The following TMEM184B variants were observed in gnomAD, a reference collection of about 807,000 sequenced individuals.
The protein encoded by TMEM184B is putative MAPK-activating protein FM08.
In TMEM184B, 17 loss-of-function variants were observed where a neutral mutation model predicts 41.8. That is an observed-to-expected ratio of 0.41 (90% CI 0.28 to 0.61). The LOEUF (loss-of-function observed/expected upper bound fraction) is 0.61, where lower values mean the gene tolerates loss of function less well. TMEM184B is among the 20% of genes least tolerant of loss of function. The probability of loss-of-function intolerance (pLI) is 0.34; values close to 1 mark genes in which losing one functional copy is unlikely to be tolerated. For synonymous variants in TMEM184B, 240 were observed against 229.5 expected (o/e 1.05, Z -0.41); for missense variants, 393 against 557.8 (o/e 0.70, Z 2.98).
Position 38,225,794 on chromosome 22 carries a change from G to A in TMEM184B, c.618-201C>T, listed in dbSNP as rs1366027700. On this transcript the variant is annotated intron_variant, in intron 6 of 8. Coordinates refer to ENST00000361906, the MANE Select transcript of TMEM184B (RefSeq NM_012264.5). The surrounding 1 kb of genome is among the most constrained non-coding windows in gnomAD (Gnocchi z 4.4). ...TGGGGTGCGCCTGCAGGCCAGACCA[G>A]CTCTACTGCCTCTGCGTGGCTCGTG... 6.6e-6 allele frequency among the ~76,000 whole-genome samples: 1 copy of A among 152,222 alleles called. No homozygotes were observed. The highest frequency in any genetic ancestry group is 2.4e-5 in the African/African-American group (1 of 41,450).
At chr22:38,260,509 G>A (rs1004059234) in intron 1 of TMEM184B, among the ~76,000 whole-genome samples, 6 of 152,088 alleles carry the variant, frequency 3.9e-5, no homozygotes, top group East Asian at 1.9e-4. Context: ...TGTGAAATCC[G>A]CAGAACTCTG....
intron 4 of TMEM184B, among the ~76,000 whole-genome samples, 184 bp from the exon 5 acceptor site, chr22:38,230,928 G>A (rs11913757): frequency 0.012 from 1,759 of 152,278 alleles, 35 homozygotes; most frequent in African/African-American, 0.041. Flanking sequence ...TGCCATAGGC[G>A]GAGGGACACA....
downstream of TMEM184B, among the ~76,000 whole-genome samples, chr22:38,217,734 CAA>C (rs1310450356): frequency 7.1e-6 from 1 of 141,344 alleles, no homozygotes; most frequent in African/African-American, 2.6e-5. Context: ...GAGGTTGAGA[CAA>C]GAGAGAATCG....
chr22:38,221,248 G>A lies in TMEM184B; in HGVS notation c.*221C>T, dbSNP rs2091251372. 2.8e-6 allele frequency: 4 copies of A among 1,408,192 alleles called. No homozygotes were observed. The highest frequency in any genetic ancestry group is 3.1e-5 in the Admixed American group (1 of 32,602). 87.2% of individuals were successfully genotyped at this position (1,408,192 alleles called of 1,614,324 possible). ...TCCCAGTGTCCTCTGCCCTCGCCCG[G>A]GCAGTGCAGGCTGGGCCATGTATAA... is the stretch of plus-strand genomic sequence containing the variant. On this transcript the variant is annotated 3_prime_UTR_variant, in exon 9 of 9. Coordinates refer to ENST00000361906, the MANE Select transcript of TMEM184B (RefSeq NM_012264.5).
intron 1 of TMEM184B, among the ~76,000 whole-genome samples, chr22:38,257,928 C>G (rs2092309411): frequency 6.6e-6 from 1 of 152,192 alleles, no homozygotes; most frequent in South Asian, 2.1e-4. Flanking sequence ...TGCAATCTCT[C>G]TGCCTCTCTG....
At position 38,272,967 on chromosome 22, in the gene TMEM184B, C is replaced by T. The variant is rs961202106; in HGVS notation, c.-142G>A. On this transcript the variant is annotated 5_prime_UTR_variant, in exon 1 of 9. Transcript: ENST00000361906. ...GGGCGGGGCGGGCGGCGCCGCAGCC[C>T]CGGAGTCTCCGCCGCCGCCGGCGCG... The T allele has an allele frequency of 3.5e-6, 1 of 282,326 alleles. No homozygotes were observed. Among genetic ancestry groups the T allele is most frequent in the African/African-American group, 2.3e-5 (1 of 43,798 alleles). 17.5% of individuals were successfully genotyped at this position (282,326 alleles called of 1,614,324 possible). A position where few individuals can be genotyped will look rare whatever the true frequency, so the allele number is the denominator to read the frequency against.
At chr22:38,271,797 C>A (rs1251119525) in intron 1 of TMEM184B, among the ~76,000 whole-genome samples, 1 of 152,218 alleles carries the variant, frequency 6.6e-6, no homozygotes, top group Non-Finnish European at 1.5e-5. Flanking sequence ...CTGATACGCA[C>A]AGCACCCTAG....
chr22:38,252,016 C>T (rs529802184), intron 1 of TMEM184B, among the ~76,000 whole-genome samples: 2 of 151,832 alleles, frequency 1.3e-5, no homozygotes. Context: ...CCACCTCAGT[C>T]TCCCAAGCAG....
chr22:38,234,419 C>G (rs934205268), intron 3 of TMEM184B, among the ~76,000 whole-genome samples: 11 of 152,194 alleles, frequency 7.2e-5, no homozygotes, highest in African/African-American at 2.7e-4. Context: ...CCAGCCTTCA[C>G]GCTCTCCTGC....
intron 1 of TMEM184B, among the ~76,000 whole-genome samples, chr22:38,260,141 C>T (rs1240756441): frequency 6.6e-6 from 1 of 152,168 alleles, no homozygotes; most frequent in Non-Finnish European, 1.5e-5. Context: ...AACTCCTGAC[C>T]TTGTGTTCCG....
At chr22:38,240,252 G>A (rs2091874689) in intron 3 of TMEM184B, among the ~76,000 whole-genome samples, 1 of 151,926 alleles carries the variant, frequency 6.6e-6, no homozygotes, top group Non-Finnish European at 1.5e-5. Flanking sequence ...ACCATCCCCA[G>A]AGACCAAAAA....
rs943822768 is a variant in TMEM184B, at chr22:38,220,874, CTG to C, written c.*593_*594del. 9 of 986,032 alleles carry C rather than the reference CTG, an allele frequency of 9.1e-6. No homozygotes were observed. The Admixed American group carries it at 3.7e-4, about 40-fold the overall frequency. 61.1% of individuals were successfully genotyped at this position (986,032 alleles called of 1,614,324 possible). A position where few individuals can be genotyped will look rare whatever the true frequency, so the allele number is the denominator to read the frequency against. On this transcript the variant is annotated 3_prime_UTR_variant, in exon 9 of 9. Transcript: ENST00000361906. ...CCTGAATGCCCTTCCTGGGTGGGGCCTGTGACTCCTGGTGTCTGGCTCTGATC... is the reference window on the plus strand; with the variant it reads ...CCTGAATGCCCTTCCTGGGTGGGGCCTGACTCCTGGTGTCTGGCTCTGATC...
intron 3 of TMEM184B, among the ~76,000 whole-genome samples, chr22:38,241,903 A>AAAAAAAAAAAAAAAAAAAAAC (rs2091917714): frequency 1.3e-5 from 2 of 149,884 alleles, no homozygotes; most frequent in Non-Finnish European, 1.5e-5. Context: ...AAAAAAAAAA[A>AAAAAAAAAAAAAAAAAAAAAC]AAAAGAACGA....
intron 5 of TMEM184B, among the ~76,000 whole-genome samples, chr22:38,227,251 A>G (rs2091472236): frequency 6.6e-6 from 1 of 152,138 alleles, no homozygotes; most frequent in Non-Finnish European, 1.5e-5. Context: ...GGAGATGCAC[A>G]CAAGGAAGCT....
rs535592095 is a variant in TMEM184B, at chr22:38,225,171, C to T, written c.788-192G>A. 1.8e-4 allele frequency among the ~76,000 whole-genome samples: 27 copies of T among 152,328 alleles called. No homozygotes were observed. The highest frequency in any genetic ancestry group is 3.4e-3 in the Middle Eastern group (1 of 294). On this transcript the variant is annotated intron_variant, in intron 7 of 8. Coordinates refer to ENST00000361906, the MANE Select transcript of TMEM184B (RefSeq NM_012264.5). The surrounding 1 kb of genome is among the most constrained non-coding windows in gnomAD (Gnocchi z 4.4). ...ACCCCACTCTCCCAGCTCTTTGCCA[C>T]CGAAACTGAGATGCCAGCAATTACG...
Position 38,219,529 on chromosome 22 carries a change from A to T in TMEM184B, c.*1940T>A, listed in dbSNP as rs1059804. On this transcript the variant is annotated 3_prime_UTR_variant, in exon 9 of 9. Transcript: ENST00000361906. ...AGCTACTCTACCTGGAAAGAAAATT[A>T]AAAAAAAAAAAGACAAGGTAGGTTA... The T allele has an allele frequency of 0.7, 616,735 of 874,882 alleles. 194,548 individuals are homozygous for T. The highest frequency in any genetic ancestry group is 0.79 in the African/African-American group (43,201 of 54,508). The allele number at this position is 874,882 out of a possible 1,614,324, so 54.2% of individuals were successfully genotyped here. A position where few individuals can be genotyped will look rare whatever the true frequency, so the allele number is the denominator to read the frequency against.
intron 3 of TMEM184B, 47 bp downstream of exon 3, chr22:38,245,888 G>GGCCCC: frequency 3.7e-6 from 2 of 545,870 alleles, no homozygotes; most frequent in Non-Finnish European, 6.7e-6. Context: ...GGGGCTCCCA[G>GGCCCC]CCCCCCAGCC....
chr22:38,264,912 C>T (rs1034440373), intron 1 of TMEM184B, among the ~76,000 whole-genome samples: 1 of 152,240 alleles, frequency 6.6e-6, no homozygotes, highest in East Asian at 1.9e-4. Flanking sequence ...GACGGCCAGG[C>T]ACTCCAGTAA....
chr22:38,230,245 G>A (rs1376518372), intron 5 of TMEM184B, among the ~76,000 whole-genome samples: 1 of 152,252 alleles, frequency 6.6e-6, no homozygotes, highest in African/African-American at 2.4e-5. Flanking sequence ...CGGCTGGATT[G>A]CCAACCAGGA....
Sources: gnomAD v4.1 joint callset for allele counts (sites outside exome capture counted in the v4.1 genomes callset) on GRCh38, gnomAD v4.1.1 for gene constraint, Gnocchi (gnomAD v3.1) non-coding constraint, MANE v1.5 for transcripts, NCBI Gene and HGNC (gene_info 2026-07-23, HGNC 2026-07-21) for gene names.